The following CCDC171 variants were observed in gnomAD, a reference collection of about 807,000 sequenced individuals.
CCDC171 encodes coiled-coil domain containing 171.
CCDC171 carries 177 observed loss-of-function variants against 168.2 expected under a neutral mutation model. The ratio of observed to expected loss-of-function variants is 1.05; its 90% confidence interval spans 0.93 to 1.19. CCDC171 has a LOEUF of 1.19. Ranked by LOEUF, CCDC171 falls within the 50% of genes most tolerant of loss-of-function variation. The pLI, the probability that CCDC171 is intolerant of heterozygous loss-of-function variation, is 0.00. For synonymous variants in CCDC171, 687 were observed against 540.8 expected, an observed-to-expected ratio of 1.27 and a Z score of -3.75; for missense variants, 1,991 against 1,539.0, an observed-to-expected ratio of 1.29 and a Z score of -4.91.
At position 16,008,781 on chromosome 9, in the gene CCDC171, A is replaced by T. The variant is rs1832778978; in HGVS notation, n.369-11808A>T. Among the ~76,000 whole-genome samples the T allele has an allele frequency of 5.3e-5, 8 of 152,190 alleles. No homozygotes were observed. In the South Asian group the frequency reaches 1.4e-3, roughly 28 times the overall value. On this transcript the variant is annotated intron_variant and non_coding_transcript_variant, in intron 3 of 9. Coordinates refer to the CCDC171 transcript ENST00000486641. Reference sequence around the variant, plus strand: ...GAAGGCATGAGGTAAGCAGAATGGAATTGCCTTATAGGAGGCCATAACACA... The same window carrying T: ...GAAGGCATGAGGTAAGCAGAATGGATTTGCCTTATAGGAGGCCATAACACA...
intron 24 of CCDC171, among the ~76,000 whole-genome samples, chr9:15,894,114 G>C (rs749175665): frequency 6.6e-6 from 1 of 152,112 alleles, no homozygotes; most frequent in South Asian, 2.1e-4. Flanking sequence ...GAACGAGGTC[G>C]TGTTCTTTGT....
intron 24 of CCDC171, among the ~76,000 whole-genome samples, chr9:15,884,222 A>G (rs894195061): frequency 3.9e-5 from 6 of 152,144 alleles, no homozygotes; most frequent in African/African-American, 9.7e-5. Context: ...CCTCATCAGT[A>G]AAATGGAGGT....
intron 6 of CCDC171, among the ~76,000 whole-genome samples, chr9:15,594,592 C>T (rs1384526850): frequency 1.3e-5 from 2 of 152,058 alleles, no homozygotes; most frequent in African/African-American, 4.8e-5. Flanking sequence ...TATTCCTCCA[C>T]CCCTGAAATA....
intron 10 of CCDC171, among the ~76,000 whole-genome samples, chr9:15,694,327 A>T (rs2051048822): frequency 1.3e-5 from 2 of 151,724 alleles, no homozygotes; most frequent in South Asian, 2.1e-4. Context: ...ATATTCAGCC[A>T]CCTCCCATAT....
intron 23 of CCDC171, among the ~76,000 whole-genome samples, chr9:15,849,397 A>T (rs2061034486): frequency 6.6e-6 from 1 of 151,250 alleles, no homozygotes; most frequent in Non-Finnish European, 1.5e-5. Flanking sequence ...TTCAAATTGA[A>T]ATTTTCTTTC....
chr9:15,629,932 T>G (rs1260167238), intron 7 of CCDC171, among the ~76,000 whole-genome samples: 1 of 152,294 alleles, frequency 6.6e-6, no homozygotes, highest in South Asian at 2.1e-4. Context: ...AAACTAAGCT[T>G]CATAAGTGAA....
At chr9:16,046,567 T>C (rs1325096076) in intron 1 of CCDC171, among the ~76,000 whole-genome samples, 2 of 152,206 alleles carry the variant, frequency 1.3e-5, no homozygotes, top group African/African-American at 2.4e-5. Flanking sequence ...TCATCTTGAA[T>C]TGTAGCTCCC....
At chr9:15,792,892 A>G (rs1360099137) in intron 21 of CCDC171, among the ~76,000 whole-genome samples, 1 of 152,174 alleles carries the variant, frequency 6.6e-6, no homozygotes, top group African/African-American at 2.4e-5. Context: ...AAGACCATCG[A>G]GGCTAGGAAG....
chr9:15,896,035 C>T (rs1424019558), intron 24 of CCDC171, among the ~76,000 whole-genome samples: 1 of 151,876 alleles, frequency 6.6e-6, no homozygotes, highest in Non-Finnish European at 1.5e-5. Flanking sequence ...TTTTGATGAC[C>T]TCTTTTCCAT....
At chr9:15,612,814 G>C (rs1036986985) in intron 6 of CCDC171, among the ~76,000 whole-genome samples, 1 of 152,086 alleles carries the variant, frequency 6.6e-6, no homozygotes, top group Non-Finnish European at 1.5e-5. Context: ...TTTATAAAAA[G>C]AGTTGGAGTT....
chr9:16,069,944 G>C, the CCDC171 span, among the ~76,000 whole-genome samples: 1 of 152,136 alleles, frequency 6.6e-6, no homozygotes, highest in African/African-American at 2.4e-5. Context: ...CCCATAGCAG[G>C]GGCAGGAAAT....
At chr9:15,701,393 A>G (rs1025037250) in intron 11 of CCDC171, among the ~76,000 whole-genome samples, 5 of 151,424 alleles carry the variant, frequency 3.3e-5, no homozygotes, top group Non-Finnish European at 5.9e-5. Flanking sequence ...TTGAGTCTTT[A>G]CTCCATTTTT....
At chr9:15,608,716 C>G (rs746661962) in intron 6 of CCDC171, among the ~76,000 whole-genome samples, 7 of 149,740 alleles carry the variant, frequency 4.7e-5, no homozygotes, top group Non-Finnish European at 1.0e-4. Context: ...TTTTAGGAGT[C>G]TGAGGTGGGA....
At chr9:15,868,513 G>GAGAGAGA (rs2061886617) in intron 23 of CCDC171, among the ~76,000 whole-genome samples, 1 of 151,550 alleles carries the variant, frequency 6.6e-6, no homozygotes, top group South Asian at 2.1e-4. Context: ...GAGAGAGAGA[G>GAGAGAGA]AGAGGATATG....
chr9:15,633,483 C>T (rs1454667061), intron 7 of CCDC171, among the ~76,000 whole-genome samples: 3 of 152,154 alleles, frequency 2.0e-5, no homozygotes, highest in African/African-American at 7.2e-5. Flanking sequence ...GATACCATCT[C>T]ACACCAGTTA....
intron 24 of CCDC171, among the ~76,000 whole-genome samples, chr9:15,919,961 A>G (rs1825084835): frequency 6.6e-6 from 1 of 151,638 alleles, no homozygotes; most frequent in African/African-American, 2.4e-5. Context: ...TACAACTTGA[A>G]TTTAACTTTA....
At chr9:16,008,030 T>C (rs1045762260) in intron 3 of CCDC171, among the ~76,000 whole-genome samples, 14 of 152,234 alleles carry the variant, frequency 9.2e-5, no homozygotes, top group African/African-American at 2.9e-4. Flanking sequence ...CTGTGGATTA[T>C]CTTTTTACTT....
the CCDC171 span, among the ~76,000 whole-genome samples, chr9:16,084,622 C>G: frequency 6.6e-6 from 1 of 152,158 alleles, no homozygotes. Context: ...GCCATGGCGC[C>G]TCCTCAAACT....
Position 15,579,976 on chromosome 9 carries a change from T to G in CCDC171, c.352+953T>G, listed in dbSNP as rs566765412. ...GAGAACACTGAATGTGAATTCAGAT[T>G]TAGATTTAGGTCCTGGTTCTACATG... On this transcript the variant is annotated intron_variant, in intron 4 of 25. Coordinates refer to ENST00000380701, the MANE Select transcript of CCDC171 (RefSeq NM_173550.4). Among the ~76,000 whole-genome samples, 16 of 152,288 alleles carry G rather than the reference T, an allele frequency of 1.1e-4. No homozygotes were observed. The East Asian group carries it at 2.9e-3, about 28-fold the overall frequency.
Sources: gnomAD v4.1 joint callset for allele counts (sites outside exome capture counted in the v4.1 genomes callset) on GRCh38, gnomAD v4.1.1 for gene constraint, MANE v1.5 for transcripts, NCBI Gene and HGNC (gene_info 2026-07-23, HGNC 2026-07-21) for gene names.